Variants in NCKAP5 observed in about 807,000 individuals in gnomAD.
The protein encoded by NCKAP5 is NCK associated protein 5, also known as nck-associated protein 5.
NCKAP5 carries 92 observed loss-of-function variants against 167.0 expected under a neutral mutation model. The observed-to-expected ratio is 0.55, with a 90% CI of 0.47 to 0.66. NCKAP5 has a LOEUF of 0.66. NCKAP5 is among the 30% of genes least tolerant of loss of function. The pLI is 0.00. For missense variants in NCKAP5, 2,378 were observed against 2,315.0 expected, an observed-to-expected ratio of 1.03 and a Z score of -0.56; for synonymous variants, 891 against 877.4, an observed-to-expected ratio of 1.02 and a Z score of -0.27.
At chr2:132,720,587 GA>G (rs1689813707) in intron 19 of NCKAP5, among the ~76,000 whole-genome samples, 1 of 152,192 alleles carries the variant, frequency 6.6e-6, no homozygotes, top group African/African-American at 2.4e-5. Context: ...AGCAGCTAGG[GA>G]AGGAGCCAGG....
chr2:133,342,824 TCA>T (rs1339365516), intron 3 of NCKAP5, among the ~76,000 whole-genome samples: 2 of 152,190 alleles, frequency 1.3e-5, no homozygotes, highest in South Asian at 4.1e-4. Flanking sequence ...TTGACAGATT[TCA>T]CAGTGTTGTG....
At chr2:133,458,019 G>T (rs1423685816) in intron 3 of NCKAP5, among the ~76,000 whole-genome samples, 1 of 152,242 alleles carries the variant, frequency 6.6e-6, no homozygotes, top group African/African-American at 2.4e-5. Flanking sequence ...AATCTGTTAT[G>T]AGCTTGGCTG....
chr2:132,968,650 A>G (rs1244126149), intron 7 of NCKAP5, among the ~76,000 whole-genome samples: 1 of 152,190 alleles, frequency 6.6e-6, no homozygotes, highest in East Asian at 1.9e-4. Flanking sequence ...AAGCACCTCT[A>G]CATTTTGTAA....
rs569882206 is a variant in NCKAP5, at chr2:132,701,923, A to G, written c.5713+23704T>C. On this transcript the variant is annotated intron_variant, in intron 19 of 19. Coordinates refer to ENST00000409261, the MANE Select transcript of NCKAP5 (RefSeq NM_207363.3). ...CTGGAATCTAACCTAGATTTTCATTATGAAAGTTATAGGAATGAAGAATCC... is the reference window on the plus strand; with the variant it reads ...CTGGAATCTAACCTAGATTTTCATTGTGAAAGTTATAGGAATGAAGAATCC... 8.3e-4 allele frequency among the ~76,000 whole-genome samples: 126 copies of G among 152,312 alleles called. 7 individuals are homozygous for G. The South Asian group carries it at 0.026, about 31-fold the overall frequency.
intron 6 of NCKAP5, among the ~76,000 whole-genome samples, chr2:133,029,473 G>C (rs932739858): frequency 1.3e-5 from 2 of 152,114 alleles, no homozygotes; most frequent in African/African-American, 4.8e-5. Flanking sequence ...AGCAGGGGGA[G>C]GTTCATTTAA....
At chr2:133,255,052 A>G (rs542074715) in intron 4 of NCKAP5, among the ~76,000 whole-genome samples, 1 of 152,252 alleles carries the variant, frequency 6.6e-6, no homozygotes, top group South Asian at 2.1e-4. Flanking sequence ...CTTTTATAAA[A>G]TAATAAAATA....
At chr2:133,445,731 G>A (rs1396277404) in intron 3 of NCKAP5, among the ~76,000 whole-genome samples, 1 of 152,148 alleles carries the variant, frequency 6.6e-6, no homozygotes, top group African/African-American at 2.4e-5. Flanking sequence ...GTAAGGAAGG[G>A]GGAGTTCAGG....
chr2:133,468,036 T>A (rs200383604), intron 3 of NCKAP5, among the ~76,000 whole-genome samples: 2,168 of 95,884 alleles, frequency 0.023, 112 homozygotes, highest in East Asian at 0.085. Flanking sequence ...TTTTAGTTAT[T>A]TCTTGTCTTC....
At chr2:133,584,064 A>G in the NCKAP5 span, among the ~76,000 whole-genome samples, 2 of 152,170 alleles carry the variant, frequency 1.3e-5, no homozygotes, top group Admixed American at 6.5e-5. Flanking sequence ...TGTGTGGGTA[A>G]ATGGATTAAG....
intron 6 of NCKAP5, among the ~76,000 whole-genome samples, chr2:133,049,349 T>A (rs1175948267): frequency 6.6e-6 from 1 of 151,908 alleles, no homozygotes; most frequent in African/African-American, 2.4e-5. Context: ...ATTGAGAGCA[T>A]CCTGGCTAAC....
chr2:133,606,006 A>G, the NCKAP5 span, among the ~76,000 whole-genome samples: 1 of 152,204 alleles, frequency 6.6e-6, no homozygotes, highest in East Asian at 1.9e-4. Context: ...ATATGCCACA[A>G]TTACATCAGC....
chr2:132,880,668 T>C (rs1211654559), intron 8 of NCKAP5, among the ~76,000 whole-genome samples: 2 of 152,074 alleles, frequency 1.3e-5, no homozygotes, highest in Non-Finnish European at 2.9e-5. Flanking sequence ...ATACTCAAGC[T>C]GATGGATGCC....
At chr2:133,523,808 C>A (rs1684660005) in intron 2 of NCKAP5, among the ~76,000 whole-genome samples, 1 of 152,184 alleles carries the variant, frequency 6.6e-6, no homozygotes, top group Non-Finnish European at 1.5e-5. Flanking sequence ...AGAATAACTG[C>A]AGAGTAGAGC....
chr2:133,657,232 T>C, the NCKAP5 span, among the ~76,000 whole-genome samples: 1 of 152,174 alleles, frequency 6.6e-6, no homozygotes, highest in Non-Finnish European at 1.5e-5. Context: ...CCAGTTCTCT[T>C]CCCCTCACCC....
At chr2:133,135,767 C>T (rs969627375) in intron 5 of NCKAP5, among the ~76,000 whole-genome samples, 6 of 152,028 alleles carry the variant, frequency 3.9e-5, no homozygotes, top group African/African-American at 1.4e-4. Context: ...GTGAACTCAT[C>T]CAAGCCAATT....
intron 6 of NCKAP5, among the ~76,000 whole-genome samples, chr2:133,091,698 T>A (rs1312896279): frequency 6.6e-6 from 1 of 152,066 alleles, no homozygotes; most frequent in Non-Finnish European, 1.5e-5. Context: ...CCATCCTGAC[T>A]AACACGGTGA....
intron 5 of NCKAP5, among the ~76,000 whole-genome samples, chr2:133,136,956 T>C (rs1262210097): frequency 6.6e-6 from 1 of 152,222 alleles, no homozygotes; most frequent in East Asian, 1.9e-4. Context: ...AATTGACACC[T>C]GTGTTTTTTC....
At chr2:132,860,161 C>T (rs1360165631) in intron 11 of NCKAP5, among the ~76,000 whole-genome samples, 1 of 152,180 alleles carries the variant, frequency 6.6e-6, no homozygotes, top group Non-Finnish European at 1.5e-5. Context: ...TTGATTATCA[C>T]AGTATGCAAG....
At chr2:133,586,049 G>A in the NCKAP5 span, among the ~76,000 whole-genome samples, 16 of 152,218 alleles carry the variant, frequency 1.1e-4, no homozygotes, top group African/African-American at 3.9e-4. Flanking sequence ...AGATATTAGA[G>A]ATAATGGGCA....
Sources: gnomAD v4.1 joint callset for allele counts (sites outside exome capture counted in the v4.1 genomes callset) on GRCh38, gnomAD v4.1.1 for gene constraint, MANE v1.5 for transcripts, NCBI Gene and HGNC (gene_info 2026-07-23, HGNC 2026-07-21) for gene names.